CPED1: variants seen among roughly 807,000 people sequenced by gnomAD.
CPED1 encodes the protein cadherin-like and PC-esterase domain-containing protein 1.
A neutral mutation model predicts 128.2 loss-of-function variants in CPED1; 114 were observed. The observed-to-expected ratio is 0.89, with a 90% CI of 0.76 to 1.04. The LOEUF (loss-of-function observed/expected upper bound fraction) is 1.04. Among genes scored for constraint, CPED1 ranks in the 50% least tolerant of loss-of-function variants. The pLI is 0.00. For missense variants in CPED1, 1,211 were observed against 1,207.1 expected (o/e 1.00, Z -0.05); for synonymous variants, 462 against 426.7 (o/e 1.08, Z -1.02).
chr7:121,284,177 T>G (rs534378296), intron 22 of CPED1, among the ~76,000 whole-genome samples: 47 of 152,246 alleles, frequency 3.1e-4, no homozygotes, highest in South Asian at 1.5e-3. Context: ...CAGAGTGAAG[T>G]GGGGGAAAAG....
At chr7:120,999,559 T>C (rs1209192200) in intron 2 of CPED1, among the ~76,000 whole-genome samples, 1 of 152,176 alleles carries the variant, frequency 6.6e-6, no homozygotes, top group African/African-American at 2.4e-5. Flanking sequence ...CCATTCCTTT[T>C]ATAAATTTTT....
At chr7:121,238,965 A>G (rs1439186292) in intron 17 of CPED1, among the ~76,000 whole-genome samples, 3 of 152,148 alleles carry the variant, frequency 2.0e-5, no homozygotes, top group African/African-American at 7.2e-5. Flanking sequence ...ATGAGCAGCC[A>G]GGGCACAATC....
chr7:121,130,327 C>A, intron 12 of CPED1, 33 bp downstream of exon 12: 2 of 1,534,570 alleles, frequency 1.3e-6, no homozygotes, highest in African/African-American at 1.4e-5. Flanking sequence ...TTGTACAATC[C>A]AAAAAATCTC....
chr7:121,016,466 T>G (rs1384667756), intron 3 of CPED1, among the ~76,000 whole-genome samples: 1 of 152,212 alleles, frequency 6.6e-6, no homozygotes, highest in Non-Finnish European at 1.5e-5. Flanking sequence ...CATGCTATAT[T>G]CTGTATTCAT....
intron 16 of CPED1, among the ~76,000 whole-genome samples, chr7:121,147,894 A>T (rs1796063107): frequency 6.6e-6 from 1 of 152,186 alleles, no homozygotes; most frequent in African/African-American, 2.4e-5. Flanking sequence ...AGATTCTGAG[A>T]TATTAAATGA....
chr7:120,993,566 T>G (rs754148997), intron 2 of CPED1, among the ~76,000 whole-genome samples: 2 of 152,242 alleles, frequency 1.3e-5, no homozygotes, highest in Non-Finnish European at 2.9e-5. Flanking sequence ...TTGTTTGCAT[T>G]TCTAATAGTA....
chr7:121,063,440 C>T (rs1793737815), intron 4 of CPED1, among the ~76,000 whole-genome samples: 1 of 146,158 alleles, frequency 6.8e-6, no homozygotes, highest in South Asian at 2.2e-4. Context: ...AAGCGAGCTA[C>T]CACCCCTGTT....
intron 6 of CPED1, among the ~76,000 whole-genome samples, chr7:121,099,609 G>C (rs930482278): frequency 2.6e-5 from 4 of 152,092 alleles, no homozygotes; most frequent in African/African-American, 9.7e-5. Flanking sequence ...CTCATGATCC[G>C]CCTGTCTCGG....
intron 17 of CPED1, among the ~76,000 whole-genome samples, chr7:121,243,227 A>C (rs1534014): frequency 0.42 from 63,728 of 151,948 alleles, 13,820 homozygotes; most frequent in Middle Eastern, 0.54. Flanking sequence ...TTATCAGAGA[A>C]ATAATTGCAT....
intron 4 of CPED1, among the ~76,000 whole-genome samples, chr7:121,055,825 G>T (rs1793484671): frequency 6.6e-6 from 1 of 151,746 alleles, no homozygotes; most frequent in Non-Finnish European, 1.5e-5. Context: ...ATTTCTCCCA[G>T]AAATGAATAG....
Position 121,033,540 on chromosome 7 carries a change from A to G in CPED1, c.434-13347A>G, listed in dbSNP as rs1358611653. Among the ~76,000 whole-genome samples the G allele has an allele frequency of 2.0e-5, 3 of 152,150 alleles. No individual in the cohort carries two copies. The East Asian group carries it at 5.8e-4, about 29-fold the overall frequency. On this transcript the variant is annotated intron_variant, in intron 3 of 22. Coordinates refer to ENST00000310396, the MANE Select transcript of CPED1 (RefSeq NM_024913.5). ...CTCACCATCCCTGTAACATCCCCAA[A>G]ATGTGAGTGTTATCATTCCTGGGAG...
rs112919777 is a variant in CPED1, at chr7:121,212,974, G to C, written c.2056-23740G>C. On this transcript the variant is annotated intron_variant, in intron 16 of 22. Coordinates refer to ENST00000310396, the MANE Select transcript of CPED1 (RefSeq NM_024913.5). ...ATGCGTTGAGGCTTTTTTCCGGGGG[G>C]GTGCAGGAGGGGATGCATTTGGCCT... 3.8e-4 allele frequency among the ~76,000 whole-genome samples: 58 copies of C among 152,012 alleles called. 1 individual carries two copies. The highest frequency in any genetic ancestry group is 1.2e-3 in the African/African-American group (51 of 41,510).
At chr7:121,197,411 A>G (rs1797295674) in intron 16 of CPED1, among the ~76,000 whole-genome samples, 2 of 152,138 alleles carry the variant, frequency 1.3e-5, no homozygotes, top group Non-Finnish European at 2.9e-5. Flanking sequence ...CAAAGGGCCA[A>G]CTGTACATCA....
At chr7:121,003,798 A>T (rs1003696204) in intron 2 of CPED1, among the ~76,000 whole-genome samples, 3 of 152,150 alleles carry the variant, frequency 2.0e-5, no homozygotes, top group Admixed American at 2.0e-4. Context: ...GTCTCAAAGG[A>T]GAGCCAAGGT....
At chr7:121,135,382 CT>C (rs1795763040) in intron 13 of CPED1, among the ~76,000 whole-genome samples, 1 of 151,920 alleles carries the variant, frequency 6.6e-6, no homozygotes, top group South Asian at 2.1e-4. Flanking sequence ...CCAGAATCAC[CT>C]GGGAAACCTA....
chr7:121,156,480 T>TTGGA (rs1796283537), intron 16 of CPED1, among the ~76,000 whole-genome samples: 1 of 152,142 alleles, frequency 6.6e-6, no homozygotes, highest in Admixed American at 6.5e-5. Context: ...CATGGTATTA[T>TTGGA]ACACAATGGA....
At chr7:121,262,840 G>A (rs1335508674) in intron 18 of CPED1, among the ~76,000 whole-genome samples, 3 of 151,998 alleles carry the variant, frequency 2.0e-5, no homozygotes, top group Non-Finnish European at 2.9e-5. Context: ...TTTTCAAATT[G>A]TGTGATATGC....
At chr7:121,082,006 A>G (rs1206605762) in intron 5 of CPED1, among the ~76,000 whole-genome samples, 1 of 152,142 alleles carries the variant, frequency 6.6e-6, no homozygotes, top group Non-Finnish European at 1.5e-5. Context: ...GTATGTATGT[A>G]TGTTTTGATA....
At chr7:121,132,530 ATAT>A (rs1795697354) in intron 12 of CPED1, among the ~76,000 whole-genome samples, 1 of 152,098 alleles carries the variant, frequency 6.6e-6, no homozygotes, top group South Asian at 2.1e-4. Flanking sequence ...GGTAATAGTT[ATAT>A]GTTTGTCCTG....
Sources: allele counts gnomAD v4.1 joint callset (sites outside exome capture counted in the v4.1 genomes callset), GRCh38; gene constraint gnomAD v4.1.1; transcripts MANE v1.5; gene names NCBI Gene and HGNC (gene_info 2026-07-23, HGNC 2026-07-21).